PPL: variants seen among roughly 807,000 people sequenced by gnomAD.
PPL encodes the protein 190 kDa paraneoplastic pemphigus antigen.
A neutral mutation model predicts 194.4 loss-of-function variants in PPL; 198 were observed. The observed-to-expected ratio is 1.02, with a 90% confidence interval of 0.91 to 1.15. The LOEUF is 1.15. PPL is among the 50% of genes most tolerant of loss of function. The pLI is 0.00. For missense variants in PPL, 2,885 were observed against 2,294.8 expected (o/e 1.26, Z -5.25); for synonymous variants, 1,220 against 972.4 (o/e 1.25, Z -4.74).
rs199762487 is a variant in PPL at position 4,891,811 on chromosome 16, C to T, written c.1968G>A (p.Ala656=). 53 of 1,608,014 alleles carry T rather than the reference C, an allele frequency of 3.3e-5. No homozygotes were observed. The highest frequency in any genetic ancestry group is 2.8e-4 in the African/African-American group (21 of 74,782). The change falls in exon 16 of 22, where the codon GCG becomes GCA. Residue 656 remains alanine (A), a splice_region_variant and synonymous_variant. Transcript: ENST00000345988. ...CCCAGGACTTGGGCCCTAGACTCACCGCCAGCTCCTGCCCCTTGCTGTCCA... is the reference window on the plus strand; with the variant it reads ...CCCAGGACTTGGGCCCTAGACTCACTGCCAGCTCCTGCCCCTTGCTGTCCA... ...RVLDSKGQEL[A]AMACELQAQK... is the part of the protein sequence containing the mutation.
In PPL at chr16:4,889,241, GTTTTTTTTTTTTTTTT is replaced by G. The variant is rs869094472; in HGVS notation, c.2314-196_2314-181del. Among the ~76,000 whole-genome samples the G allele has an allele frequency of 3.0e-4, 20 of 66,634 alleles. 1 individual carries two copies. Among genetic ancestry groups the G allele is most frequent in the Admixed American group, 1.5e-3 (7 of 4,526 alleles). The allele number at this position is 66,634 out of a possible 152,430, so 43.7% of individuals were successfully genotyped here. A position where few individuals can be genotyped will look rare whatever the true frequency, so the allele number is the denominator to read the frequency against. ...AAAAGGCAGTTTTTTTGTTGTTGTT[GTTTTTTTTTTTTTTTT>G]TTTTTTTTTTTTTTTTTGAGACAGT... On this transcript the variant is annotated intron_variant, in intron 18 of 21. Coordinates refer to ENST00000345988, the MANE Select transcript of PPL (RefSeq NM_002705.5).
intron 6 of PPL, among the ~76,000 whole-genome samples, 167 bp from the exon 7 acceptor site, chr16:4,899,551 A>T (rs1248824374): frequency 5.4e-5 from 1 of 18,516 alleles, no homozygotes; most frequent in Non-Finnish European, 2.2e-4. Flanking sequence ...AGTCCCCCTT[A>T]GACAAGTCAC....
intron 2 of PPL, among the ~76,000 whole-genome samples, chr16:4,907,671 G>T (rs1344402452): frequency 6.6e-6 from 1 of 152,088 alleles, no homozygotes; most frequent in African/African-American, 2.4e-5. Flanking sequence ...AAATGCCACT[G>T]ACTTGTACAC....
Position 4,890,365 on chromosome 16 carries a change from A to G in PPL, c.2163-31T>C, listed in dbSNP as rs200582710. 1,760 of 1,561,092 alleles carry G rather than the reference A, an allele frequency of 1.1e-3. 2 individuals are homozygous for G. Among genetic ancestry groups the G allele is most frequent in the Non-Finnish European group, 1.5e-3 (1,682 of 1,156,472 alleles). On this transcript the variant is annotated intron_variant, in intron 17 of 21. Transcript: ENST00000345988. ...AAGGCAAAGCGTTCAGGCCTCAGCC[A>G]CAGCAAACAGATGCCTCACCGAGCC...
Position 4,918,603 on chromosome 16 carries a change from T to C in PPL, c.63-7654A>G, listed in dbSNP as rs2088974751. Among the ~76,000 whole-genome samples the C allele has an allele frequency of 3.3e-5, 5 of 152,158 alleles. No homozygotes were observed. In the South Asian group the frequency reaches 1.0e-3, roughly 32 times the overall value. On this transcript the variant is annotated intron_variant, in intron 1 of 21. Coordinates refer to ENST00000345988, the MANE Select transcript of PPL (RefSeq NM_002705.5). ...TTCATATACCATGCAATTCACTCAG[T>C]TACAGATGGGGAAATTGAGGTACAA...
intron 1 of PPL, among the ~76,000 whole-genome samples, chr16:4,924,107 A>G (rs1412638265): frequency 6.6e-6 from 1 of 152,228 alleles, no homozygotes; most frequent in East Asian, 1.9e-4. Flanking sequence ...GTTGCTTTGT[A>G]TGCAAGGCCA....
In PPL at chr16:4,885,388, C is replaced by T. The variant is rs767374115; in HGVS notation, c.3267G>A (p.Glu1089=). The T allele has an allele frequency of 6.2e-7, 1 of 1,613,016 alleles. No individual in the cohort carries two copies. Among genetic ancestry groups the T allele is most frequent in the South Asian group, 1.1e-5 (1 of 91,066 alleles). Residue 1089 remains glutamate (E), a synonymous_variant, in exon 22 of 22, where the codon GAG becomes GAA. Coordinates refer to ENST00000345988, the MANE Select transcript of PPL (RefSeq NM_002705.5). The surrounding 1 kb of genome is among the most constrained non-coding windows in gnomAD (Gnocchi z 6.3). ...GCTTGTCCTGGAGGAAGCTCAGCTCCTCCTCCTGCTTCTCCCTGAGCTGGT... is the reference window on the plus strand; with the variant it reads ...GCTTGTCCTGGAGGAAGCTCAGCTCTTCCTCCTGCTTCTCCCTGAGCTGGT... ...RQDQLREKQE[E]ELSFLQDKLK...
At position 4,902,746 on chromosome 16, in the gene PPL, G is replaced by C. The variant is rs1209760351; in HGVS notation, c.318-220C>G. On this transcript the variant is annotated intron_variant, in intron 3 of 21. Coordinates refer to ENST00000345988, the MANE Select transcript of PPL (RefSeq NM_002705.5). The surrounding 1 kb of genome is among the most constrained non-coding windows in gnomAD (Gnocchi z 4.0). ...GCTCTGTCACCCAGGCTGGAGTACA[G>C]TGACGTCATCTCAGCTCATGGCAGC... is the stretch of plus-strand genomic sequence containing the variant. Among the ~76,000 whole-genome samples the C allele has an allele frequency of 6.6e-6, 1 of 150,622 alleles. No homozygotes were observed. The highest frequency in any genetic ancestry group is 2.0e-4 in the East Asian group (1 of 5,110).
At chr16:4,905,324 A>C (rs2088660608) in intron 2 of PPL, among the ~76,000 whole-genome samples, 3 of 152,252 alleles carry the variant, frequency 2.0e-5, no homozygotes, top group Admixed American at 2.0e-4. Context: ...ATTCAAAGGC[A>C]AAGAAGCCAG....
chr16:4,929,888 A>C (rs2089206105), intron 1 of PPL, among the ~76,000 whole-genome samples: 1 of 149,580 alleles, frequency 6.7e-6, no homozygotes, highest in Non-Finnish European at 1.5e-5. Flanking sequence ...GGGTCTCACT[A>C]TGTTGCCCAG....
At chr16:4,901,690 A>AAAAT (rs553378567) in intron 4 of PPL, among the ~76,000 whole-genome samples, 121 of 150,204 alleles carry the variant, frequency 8.1e-4, no homozygotes, top group African/African-American at 2.6e-3. Flanking sequence ...CCTTGTGTCA[A>AAAAT]AAATAAATAA....
At position 4,930,572 on chromosome 16, in the gene PPL, T is replaced by C. The variant is rs1301900213; in HGVS notation, c.62+6412A>G. Among the ~76,000 whole-genome samples, 5 of 152,228 alleles carry C rather than the reference T, an allele frequency of 3.3e-5. No homozygotes were observed. In the East Asian group the frequency reaches 9.7e-4, roughly 29 times the overall value. On this transcript the variant is annotated intron_variant, in intron 1 of 21. Transcript: ENST00000345988. ...TCATTCAGCACGCGTGTAGCACCAGTGTCTGGGGGAAGGCAGCCACACAGC... is the reference window on the plus strand; with the variant it reads ...TCATTCAGCACGCGTGTAGCACCAGCGTCTGGGGGAAGGCAGCCACACAGC...
intron 1 of PPL, among the ~76,000 whole-genome samples, chr16:4,920,317 A>AG (rs2089015343): frequency 1.5e-5 from 1 of 68,588 alleles, no homozygotes; most frequent in Non-Finnish European, 3.8e-5. Flanking sequence ...AAAGAAGGAA[A>AG]GAAAAGAAAG....
intron 16 of PPL, chr16:4,891,596 T>G: frequency 1.8e-6 from 1 of 553,198 alleles, no homozygotes; most frequent in Non-Finnish European, 3.1e-6. Context: ...TATTTGATCT[T>G]AAAATGCTGG....
chr16:4,884,941 G>C lies in PPL; in HGVS notation c.3714C>G (p.Tyr1238Ter). The C allele has an allele frequency of 2.5e-6, 4 of 1,614,114 alleles. No homozygotes were observed. Among genetic ancestry groups the C allele is most frequent in the Non-Finnish European group, 3.4e-6 (4 of 1,180,028 alleles). The change falls in exon 22 of 22, where the codon TAC becomes TAG. Residue 1238 changes from tyrosine to a stop codon, truncating the protein, a stop_gained. Transcript: ENST00000345988. LOFTEE classifies it high-confidence loss of function. This position sits in a 1 kb window ranked among gnomAD's most constrained non-coding sequence, Gnocchi z 5.7. ...VKEVTKEVIKYKTDPEMEKEL... is the reference protein window; with the variant it reads ...VKEVTKEVIK ...CCTTCTCCATCTCAGGGTCAGTCTT[G>C]TACTTAATGACTTCCTTAGTCACCT...
chr16:4,900,047 G>A (rs1055724821), intron 6 of PPL, among the ~76,000 whole-genome samples: 24 of 152,134 alleles, frequency 1.6e-4, no homozygotes, highest in Non-Finnish European at 2.9e-4. Flanking sequence ...GGCTCCCGGA[G>A]GCTAAGTAAC....
At chr16:4,927,536 C>A (rs1380482953) in intron 1 of PPL, among the ~76,000 whole-genome samples, 1 of 152,190 alleles carries the variant, frequency 6.6e-6, no homozygotes, top group Non-Finnish European at 1.5e-5. Context: ...GCCGAAGAAT[C>A]CTAGATCTCT....
At position 4,884,385 on chromosome 16, in the gene PPL, G is replaced by T; in HGVS notation, c.4270C>A (p.Gln1424Lys). Residue 1424 changes from glutamine (Q) to lysine (K), a missense_variant, in exon 22 of 22, where the codon CAG becomes AAG. By Grantham distance (53) the Gln-to-Lys change is moderately conservative (BLOSUM62 1). Coordinates refer to ENST00000345988, the MANE Select transcript of PPL (RefSeq NM_002705.5). This position sits in a 1 kb window ranked among gnomAD's most constrained non-coding sequence, Gnocchi z 5.7. The part of the protein sequence containing the change: ...REAEREVQRL[Q>K]QRLAALEQEE... Reference sequence around the variant, plus strand: ...TGCTCCAGCGCTGCCAGCCGCTGCTGCAACCGCTGTACCTCGCGCTCGGCC... The same window carrying T: ...TGCTCCAGCGCTGCCAGCCGCTGCTTCAACCGCTGTACCTCGCGCTCGGCC... 6.2e-7 allele frequency: 1 copy of T among 1,611,368 alleles called. No individual in the cohort carries two copies. The highest frequency in any genetic ancestry group is 1.7e-5 in the Admixed American group (1 of 59,358).
Position 4,885,359 on chromosome 16 carries a change from T to C in PPL, c.3296A>G (p.Lys1099Arg). 6.2e-7 allele frequency: 1 copy of C among 1,612,974 alleles called. No individual in the cohort carries two copies. The highest frequency in any genetic ancestry group is 1.1e-5 in the South Asian group (1 of 91,068). The change falls in exon 22 of 22, where the codon AAG becomes AGG. Residue 1099 changes from lysine to arginine, a missense_variant. By Grantham distance (26) the Lys-to-Arg change is conservative. Transcript: ENST00000345988. The surrounding 1 kb of genome is among the most constrained non-coding windows in gnomAD (Gnocchi z 6.3). ...CATGGCCCGCTCCTTCTCTAGCCTCTTGAGCTTGTCCTGGAGGAAGCTCAG... is the reference window on the plus strand; with the variant it reads ...CATGGCCCGCTCCTTCTCTAGCCTCCTGAGCTTGTCCTGGAGGAAGCTCAG... ...EELSFLQDKL[K>R]RLEKERAMAE...
Sources: gnomAD v4.1 joint callset for allele counts (sites outside exome capture counted in the v4.1 genomes callset) on GRCh38, gnomAD v4.1.1 for gene constraint, Gnocchi (gnomAD v3.1) non-coding constraint, MANE v1.5 for transcripts, NCBI Gene and HGNC (gene_info 2026-07-23, HGNC 2026-07-21) for gene names.